Variants in SPAG16 observed in about 807,000 individuals in gnomAD.
SPAG16 encodes the protein sperm associated antigen 16.
SPAG16 carries 86 observed loss-of-function variants against 80.4 expected under a neutral mutation model. The ratio of observed to expected loss-of-function variants is 1.07; its 90% CI spans 0.90 to 1.28. The LOEUF is 1.28. SPAG16 is among the 50% of genes most tolerant of loss of function. The pLI, the probability that SPAG16 is intolerant of heterozygous loss-of-function variation, is 0.00. For missense variants in SPAG16, 870 were observed against 765.3 expected (o/e 1.14, Z -1.61); for synonymous variants, 294 against 265.9 (o/e 1.11, Z -1.03).
intron 11 of SPAG16, among the ~76,000 whole-genome samples, chr2:213,907,787 G>C (rs1191964867): frequency 1.3e-5 from 2 of 152,124 alleles, no homozygotes; most frequent in Non-Finnish European, 2.9e-5. Flanking sequence ...AAGACAAATG[G>C]TGCACATTCT....
At chr2:214,039,894 G>A (rs2048915073) in intron 13 of SPAG16, among the ~76,000 whole-genome samples, 2 of 152,294 alleles carry the variant, frequency 1.3e-5, no homozygotes, top group South Asian at 2.1e-4. Context: ...GTTTGGGTGA[G>A]CGGTGGGGGT....
rs189899111 is a variant in SPAG16, at chr2:214,212,669, A to G, written c.1720+63403A>G. 9.8e-4 allele frequency among the ~76,000 whole-genome samples: 150 copies of G among 152,324 alleles called. 1 individual carries two copies. Among genetic ancestry groups the G allele is most frequent in the Admixed American group, 9.6e-3 (147 of 15,294 alleles). On this transcript the variant is annotated intron_variant, in intron 15 of 15. Coordinates refer to ENST00000331683, the MANE Select transcript of SPAG16 (RefSeq NM_024532.5). Reference sequence around the variant, plus strand: ...CCAAGCAAGGAACAAGAACTGGAAGAGCTTTTGTTTCCAGAATCACCCCAG... The same window carrying G: ...CCAAGCAAGGAACAAGAACTGGAAGGGCTTTTGTTTCCAGAATCACCCCAG...
chr2:213,999,884 C>A (rs1559676198), intron 12 of SPAG16, among the ~76,000 whole-genome samples: 1 of 152,170 alleles, frequency 6.6e-6, no homozygotes, highest in Non-Finnish European at 1.5e-5. Flanking sequence ...TTTGTTTGTG[C>A]CAATTTCTCC....
At chr2:214,174,112 C>T (rs1294830139) in intron 15 of SPAG16, among the ~76,000 whole-genome samples, 2 of 152,042 alleles carry the variant, frequency 1.3e-5, no homozygotes, top group Non-Finnish European at 2.9e-5. Flanking sequence ...GACAAACCCA[C>T]AGCCAATATC....
chr2:213,492,440 C>G (rs1442393203), intron 10 of SPAG16, among the ~76,000 whole-genome samples: 1 of 151,896 alleles, frequency 6.6e-6, no homozygotes, highest in East Asian at 1.9e-4. Flanking sequence ...GTCCCAGCTA[C>G]TCGGGAGGCT....
chr2:213,684,770 T>C (rs2064576964), intron 10 of SPAG16, among the ~76,000 whole-genome samples: 1 of 152,196 alleles, frequency 6.6e-6, no homozygotes, highest in African/African-American at 2.4e-5. Context: ...AATGTTTTAT[T>C]GGTAATGTAT....
At chr2:214,339,838 TAG>T in intron 15 of SPAG16, among the ~76,000 whole-genome samples, 1 of 152,314 alleles carries the variant, frequency 6.6e-6, no homozygotes, top group Admixed American at 6.5e-5. Flanking sequence ...AGGGGTTTTG[TAG>T]ATGTCATTTA....
At chr2:213,771,975 A>G (rs2069277651) in intron 10 of SPAG16, among the ~76,000 whole-genome samples, 1 of 151,946 alleles carries the variant, frequency 6.6e-6, no homozygotes, top group Non-Finnish European at 1.5e-5. Context: ...TTTTTTTTCT[A>G]ATTCTGTGAA....
At chr2:213,974,500 C>T (rs2372302) in intron 12 of SPAG16, among the ~76,000 whole-genome samples, 84,143 of 151,524 alleles carry the variant, frequency 0.56, 25,042 homozygotes, top group African/African-American at 0.77. Context: ...TTAAATTTAG[C>T]TTCAGAGTAT....
At chr2:213,573,162 G>A (rs1008089565) in intron 10 of SPAG16, among the ~76,000 whole-genome samples, 21 of 152,132 alleles carry the variant, frequency 1.4e-4, no homozygotes, top group South Asian at 4.1e-4. Flanking sequence ...AGATGAACCC[G>A]GTACCTCAGA....
At chr2:213,369,224 C>T (rs1056003694) in intron 8 of SPAG16, among the ~76,000 whole-genome samples, 2 of 152,108 alleles carry the variant, frequency 1.3e-5, no homozygotes, top group African/African-American at 2.4e-5. Context: ...AAAGAAGTTT[C>T]TTTGGTCAAA....
intron 15 of SPAG16, among the ~76,000 whole-genome samples, chr2:214,338,371 G>T (rs977315205): frequency 1.3e-5 from 2 of 151,834 alleles, no homozygotes; most frequent in African/African-American, 4.8e-5. Flanking sequence ...AAAATTAGTC[G>T]GGCATGGTGG....
At chr2:213,887,048 A>G (rs2076583824) in intron 11 of SPAG16, among the ~76,000 whole-genome samples, 1 of 152,100 alleles carries the variant, frequency 6.6e-6, no homozygotes, top group Non-Finnish European at 1.5e-5. Context: ...AATTTTGTTA[A>G]TATTTTAGAC....
chr2:213,995,594 C>A, intron 12 of SPAG16, among the ~76,000 whole-genome samples: 1 of 152,134 alleles, frequency 6.6e-6, no homozygotes, highest in East Asian at 1.9e-4. Flanking sequence ...GCTAGAAATT[C>A]TACCTTAGTC....
chr2:213,407,620 AGAGAG>A (rs2068695309), intron 9 of SPAG16, among the ~76,000 whole-genome samples: 1 of 129,350 alleles, frequency 7.7e-6, no homozygotes, highest in African/African-American at 2.7e-5. Flanking sequence ...AGAGAGAGAG[AGAGAG>A]AGAGAGAGAG....
At chr2:213,866,610 C>T (rs527334974) in intron 11 of SPAG16, among the ~76,000 whole-genome samples, 5 of 144,528 alleles carry the variant, frequency 3.5e-5, no homozygotes, top group Non-Finnish European at 7.4e-5. Flanking sequence ...ATAAGATCTG[C>T]CAGGTGAATG....
At chr2:213,629,333 A>T (rs2062063531) in intron 10 of SPAG16, among the ~76,000 whole-genome samples, 1 of 152,192 alleles carries the variant, frequency 6.6e-6, no homozygotes, top group South Asian at 2.1e-4. Context: ...ACCAACCCAC[A>T]GTTCTAGCTG....
chr2:214,133,250 G>A (rs2054877497), intron 14 of SPAG16, among the ~76,000 whole-genome samples: 1 of 152,028 alleles, frequency 6.6e-6, no homozygotes. Flanking sequence ...CAGCATCCCT[G>A]GCCTCCATCA....
At chr2:213,918,193 G>A (rs755198590) in intron 11 of SPAG16, among the ~76,000 whole-genome samples, 1 of 152,086 alleles carries the variant, frequency 6.6e-6, no homozygotes, top group East Asian at 1.9e-4. Flanking sequence ...GAGGTTTTTT[G>A]TATCAGTGTT....
Sources: gnomAD v4.1 joint callset for allele counts (sites outside exome capture counted in the v4.1 genomes callset) on GRCh38, gnomAD v4.1.1 for gene constraint, MANE v1.5 for transcripts, NCBI Gene and HGNC (gene_info 2026-07-23, HGNC 2026-07-21) for gene names.